The following ANAPC4 variants were observed in gnomAD, a reference collection of about 807,000 sequenced individuals.
ANAPC4 encodes anaphase promoting complex subunit 4, also known as anaphase-promoting complex subunit 4.
Under a neutral mutation model 119.8 loss-of-function variants are expected in ANAPC4, and 63 were observed. That is an observed-to-expected ratio of 0.53 (90% CI 0.43 to 0.65). ANAPC4 has a LOEUF of 0.65. Ranked by LOEUF, ANAPC4 falls within the 30% of genes least tolerant of loss-of-function variation. The pLI is 0.00. For missense variants in ANAPC4, 716 were observed against 945.1 expected, an observed-to-expected ratio of 0.76 and a Z score of 3.18; for synonymous variants, 283 against 318.6, an observed-to-expected ratio of 0.89 and a Z score of 1.19.
chr4:25,385,207 G>A, intron 4 of ANAPC4, among the ~76,000 whole-genome samples: 1 of 152,156 alleles, frequency 6.6e-6, no homozygotes. Flanking sequence ...TTGAAGCCAG[G>A]CATTGACTCC....
At chr4:25,387,808 C>A (rs1577374863) in intron 4 of ANAPC4, among the ~76,000 whole-genome samples, 1 of 151,870 alleles carries the variant, frequency 6.6e-6, no homozygotes, top group Non-Finnish European at 1.5e-5. Context: ...ATTATCAAAT[C>A]CACAAGTGTG....
chr4:25,384,898 T>C lies in ANAPC4; in HGVS notation c.368+1505T>C, dbSNP rs75394524. On this transcript the variant is annotated intron_variant, in intron 4 of 28. Coordinates refer to ENST00000315368, the MANE Select transcript of ANAPC4 (RefSeq NM_013367.3). ...AGGCATGAAAACAACATTAATCTTA[T>C]ATATCTCTATCAGAGCTCTTGGGTG... 7.6e-3 allele frequency among the ~76,000 whole-genome samples: 1,152 copies of C among 152,326 alleles called. 37 individuals are homozygous for C. The East Asian group carries it at 0.11, about 15-fold the overall frequency.
intron 9 of ANAPC4, among the ~76,000 whole-genome samples, chr4:25,391,823 T>G (rs571469975): frequency 1.3e-5 from 2 of 152,378 alleles, no homozygotes; most frequent in South Asian, 2.1e-4. Flanking sequence ...TACTGTTCAC[T>G]ATGGTAATGG....
chr4:25,410,800 A>C lies in ANAPC4; in HGVS notation c.1525+1009A>C, dbSNP rs149265073. On this transcript the variant is annotated intron_variant, in intron 21 of 28. Transcript: ENST00000315368. The stretch of plus-strand genomic sequence containing the variant: ...CTTTGTTTCAAGCACAAAATTATTA[A>C]ATATATTGTATAAGATGTACATGAA... Among the ~76,000 whole-genome samples the C allele has an allele frequency of 9.8e-5, 15 of 152,300 alleles. No homozygotes were observed. The East Asian group carries it at 2.9e-3, about 29-fold the overall frequency.
At position 25,416,420 on chromosome 4, in the gene ANAPC4, T is replaced by C. The variant is rs765213962; in HGVS notation, c.1902-5T>C. ...TTGATATAACAAAACTTATTTTAAT[T>C]CTAGCATCTACAGTTGTTTAGATGC... is the stretch of plus-strand genomic sequence containing the variant. On this transcript the variant is annotated splice_region_variant and splice_polypyrimidine_tract_variant and intron_variant, in intron 26 of 28. Transcript: ENST00000315368. The C allele has an allele frequency of 2.0e-6, 3 of 1,500,130 alleles. No individual in the cohort carries two copies. Among genetic ancestry groups the C allele is most frequent in the South Asian group, 2.7e-5 (2 of 74,138 alleles). 92.9% of individuals were successfully genotyped at this position (1,500,130 alleles called of 1,614,324 possible).
At chr4:25,381,208 T>C (rs1264967619) in intron 3 of ANAPC4, among the ~76,000 whole-genome samples, 1 of 152,212 alleles carries the variant, frequency 6.6e-6, no homozygotes, top group Non-Finnish European at 1.5e-5. Context: ...TTTCTGTAGA[T>C]AAATATAAAG....
At chr4:25,404,778 C>T (rs1305707103) in intron 17 of ANAPC4, among the ~76,000 whole-genome samples, 1 of 152,094 alleles carries the variant, frequency 6.6e-6, no homozygotes, top group Non-Finnish European at 1.5e-5. Flanking sequence ...AAAATGTAAT[C>T]TCCATGAAGG....
intron 21 of ANAPC4, chr4:25,412,908 G>A (rs1320043695): frequency 6.6e-6 from 1 of 152,070 alleles, no homozygotes; most frequent in Non-Finnish European, 1.5e-5. Flanking sequence ...TAATGTGATT[G>A]TAGTTCATTT....
In ANAPC4 at chr4:25,380,458, G is replaced by A. The variant is rs747934614; in HGVS notation, c.214G>A (p.Ala72Thr). Residue 72 changes from alanine (A) to threonine (T), a missense_variant, in exon 3 of 29, where the codon GCA becomes ACA. Ala to Thr is a moderately conservative substitution (Grantham distance 58). Coordinates refer to ENST00000315368, the MANE Select transcript of ANAPC4 (RefSeq NM_013367.3). ...ENTGKEVTCL[A>T]WRPDGKLLAF... Reference sequence around the variant, plus strand: ...TACAGGAAAGGAGGTGACGTGTCTGGCATGGAGACCAGATGGCAAACGTAA... The same window carrying A: ...TACAGGAAAGGAGGTGACGTGTCTGACATGGAGACCAGATGGCAAACGTAA... 4.3e-6 allele frequency: 7 copies of A among 1,610,404 alleles called. No individual in the cohort carries two copies. The highest frequency in any genetic ancestry group is 5.1e-6 in the Non-Finnish European group (6 of 1,178,376).
At chr4:25,398,527 G>A (rs1261214307) in intron 16 of ANAPC4, among the ~76,000 whole-genome samples, 2 of 152,160 alleles carry the variant, frequency 1.3e-5, no homozygotes, top group Non-Finnish European at 2.9e-5. Context: ...AAGGTAGGAG[G>A]TGGATTGACA....
chr4:25,416,678 C>T lies in ANAPC4; in HGVS notation c.2075+80C>T, dbSNP rs187592431. ...ATTATAAATTCCAACCTTTTAGGTA[C>T]GCTAGATAATGGTTATTTCGTTACT... is the stretch of plus-strand genomic sequence containing the variant. On this transcript the variant is annotated intron_variant, in intron 27 of 28. Coordinates refer to ENST00000315368, the MANE Select transcript of ANAPC4 (RefSeq NM_013367.3). 2.7e-4 allele frequency: 310 copies of T among 1,161,868 alleles called. No homozygotes were observed. In the African/African-American group the frequency reaches 4.1e-3, roughly 15 times the overall value. The allele number at this position is 1,161,868 out of a possible 1,614,324, so 72.0% of individuals were successfully genotyped here.
chr4:25,411,309 T>G (rs1723550499), intron 21 of ANAPC4, among the ~76,000 whole-genome samples: 1 of 152,328 alleles, frequency 6.6e-6, no homozygotes, highest in African/African-American at 2.4e-5. Flanking sequence ...TGGCTATTAT[T>G]GATCCAGGGA....
In ANAPC4 at chr4:25,377,454, A is replaced by G. The variant is rs773292926; in HGVS notation, c.27A>G (p.Pro9=). 2 of 1,614,018 alleles carry G rather than the reference A, an allele frequency of 1.2e-6. No homozygotes were observed. MLRFPTCF[P]SFRVVGEKQL... is the part of the protein sequence containing the mutation. ...TGTTGCGTTTTCCGACCTGTTTCCCATCCTTCCGGGTGGTGGGAGAGAAGC... is the reference window on the plus strand; with the variant it reads ...TGTTGCGTTTTCCGACCTGTTTCCCGTCCTTCCGGGTGGTGGGAGAGAAGC... Residue 9 remains proline, a synonymous_variant, in exon 2 of 29, where the codon CCA becomes CCG. Coordinates refer to ENST00000315368, the MANE Select transcript of ANAPC4 (RefSeq NM_013367.3).
Position 25,406,719 on chromosome 4 carries a change from C to T in ANAPC4, c.1318-110C>T, listed in dbSNP as rs180865506. ...TTTGAAAGAACTTTGCCAGTTTTCC[C>T]ATGGCTTTTAGTAGATAGTAAAAAT... On this transcript the variant is annotated intron_variant, in intron 18 of 28. Coordinates refer to ENST00000315368, the MANE Select transcript of ANAPC4 (RefSeq NM_013367.3). 5 of 814,914 alleles carry T rather than the reference C, an allele frequency of 6.1e-6. No homozygotes were observed. The East Asian group carries it at 1.4e-4, about 23-fold the overall frequency. The allele number at this position is 814,914 out of a possible 1,614,324, so 50.5% of individuals were successfully genotyped here.
intron 16 of ANAPC4, among the ~76,000 whole-genome samples, chr4:25,397,439 C>A (rs534501803): frequency 6.6e-6 from 1 of 152,292 alleles, no homozygotes; most frequent in South Asian, 2.1e-4. Context: ...ACCACCCGGG[C>A]ATTTTCTTCA....
Position 25,415,447 on chromosome 4 carries a change from T to TC in ANAPC4, c.1827-14dup. The TC allele has an allele frequency of 3.1e-6, 5 of 1,600,814 alleles. No homozygotes were observed. The South Asian group carries it at 4.5e-5, about 14-fold the overall frequency. On this transcript the variant is annotated intron_variant, in intron 25 of 28. Transcript: ENST00000315368. ...GGTTGTTCCACAGAGTCTCTTTTTT[T>TC]CCCCCTTCTTTCTTGAAGATCTGTG...
rs1241735079 is a variant in ANAPC4, at chr4:25,413,864, TTTGA to T, written c.1623+125_1623+128del. On this transcript the variant is annotated intron_variant, in intron 22 of 28. Coordinates refer to ENST00000315368, the MANE Select transcript of ANAPC4 (RefSeq NM_013367.3). ...ATGAAAATGTTGATAGTCAACTGTT[TTTGA>T]TTAACAAAAGTAACAATTTCATATG... 2.4e-5 allele frequency: 19 copies of T among 783,690 alleles called. No individual in the cohort carries two copies. The Middle Eastern group carries it at 1.5e-3, about 61-fold the overall frequency. 48.5% of individuals were successfully genotyped at this position (783,690 alleles called of 1,614,324 possible). A position where few individuals can be genotyped will look rare whatever the true frequency, so the allele number is the denominator to read the frequency against.
At position 25,390,119 on chromosome 4, in the gene ANAPC4, G is replaced by C; in HGVS notation, c.516-17G>C. ...GTTGTTGATTGGTTCTCAGCTTGTTGCATTGTTTTTAATTAGGCTTAATAT... is the reference window on the plus strand; with the variant it reads ...GTTGTTGATTGGTTCTCAGCTTGTTCCATTGTTTTTAATTAGGCTTAATAT... On this transcript the variant is annotated splice_polypyrimidine_tract_variant and intron_variant, in intron 7 of 28. Transcript: ENST00000315368. The C allele has an allele frequency of 6.4e-7, 1 of 1,565,236 alleles. No individual in the cohort carries two copies. Among genetic ancestry groups the C allele is most frequent in the Non-Finnish European group, 8.8e-7 (1 of 1,138,394 alleles).
At chr4:25,412,437 T>G (rs1723623886) in intron 21 of ANAPC4, among the ~76,000 whole-genome samples, 1 of 151,914 alleles carries the variant, frequency 6.6e-6, no homozygotes, top group Admixed American at 6.6e-5. Context: ...TTGGTCTTTT[T>G]GGTGGCCAGC....
Sources: gnomAD v4.1 joint callset for allele counts (sites outside exome capture counted in the v4.1 genomes callset) on GRCh38, gnomAD v4.1.1 for gene constraint, MANE v1.5 for transcripts, NCBI Gene and HGNC (gene_info 2026-07-23, HGNC 2026-07-21) for gene names.